Variants in MGAT4C observed in about 807,000 individuals in gnomAD.
The protein encoded by MGAT4C is MGAT4 family member C.
In MGAT4C, 19 loss-of-function variants were observed where a neutral mutation model predicts 40.1. The observed-to-expected ratio is 0.47, with a 90% CI of 0.33 to 0.70. The LOEUF is 0.70. Among genes scored for constraint, MGAT4C ranks in the 30% least tolerant of loss-of-function variants. The pLI, the probability that MGAT4C is intolerant of heterozygous loss-of-function variation, is 0.02. For synonymous variants in MGAT4C, 181 were observed against 187.1 expected, an observed-to-expected ratio of 0.97 and a Z score of 0.27; for missense variants, 491 against 563.2, an observed-to-expected ratio of 0.87 and a Z score of 1.30.
intron 3 of MGAT4C, among the ~76,000 whole-genome samples, chr12:86,430,257 C>T (rs1300924273): frequency 6.6e-6 from 1 of 152,118 alleles, no homozygotes; most frequent in East Asian, 1.9e-4. Flanking sequence ...ATTTCTAGAT[C>T]TCCATTTCTT....
intron 1 of MGAT4C, among the ~76,000 whole-genome samples, chr12:86,084,426 G>A (rs972966693): frequency 1.3e-5 from 2 of 151,982 alleles, no homozygotes; most frequent in South Asian, 4.1e-4. Flanking sequence ...TCACTTTGAT[G>A]TGAATCATGT....
In MGAT4C at chr12:86,667,711, T is replaced by C. The variant is rs375181720; in HGVS notation, c.-229+59498A>G. Among the ~76,000 whole-genome samples, 5 of 152,232 alleles carry C rather than the reference T, an allele frequency of 3.3e-5. No homozygotes were observed. The East Asian group carries it at 5.8e-4, about 18-fold the overall frequency. On this transcript the variant is annotated intron_variant, in intron 2 of 7. Coordinates refer to the MGAT4C transcript ENST00000548651. Reference sequence around the variant, plus strand: ...GTATTTATGAATACTAAAATTTGAATTTTTGCATGATCCAAAATATGATTT... The same window carrying C: ...GTATTTATGAATACTAAAATTTGAACTTTTGCATGATCCAAAATATGATTT...
intron 2 of MGAT4C, among the ~76,000 whole-genome samples, chr12:86,651,958 G>A (rs1194749944): frequency 6.6e-6 from 1 of 151,738 alleles, no homozygotes; most frequent in African/African-American, 2.4e-5. Context: ...GTAATGACTG[G>A]GTGAAAACAT....
At chr12:86,112,447 C>G (rs1472820238) in intron 1 of MGAT4C, among the ~76,000 whole-genome samples, 2 of 151,678 alleles carry the variant, frequency 1.3e-5, no homozygotes, top group African/African-American at 4.8e-5. Flanking sequence ...TGGCAGACAG[C>G]ATTGCCCCCT....
chr12:86,667,317 C>T (rs1964135370), intron 2 of MGAT4C, among the ~76,000 whole-genome samples: 1 of 152,116 alleles, frequency 6.6e-6, no homozygotes, highest in Admixed American at 6.6e-5. Context: ...CTAGATTAGG[C>T]AGAATTCACA....
intron 4 of MGAT4C, among the ~76,000 whole-genome samples, chr12:86,281,582 C>G (rs1310871797): frequency 6.6e-6 from 1 of 152,004 alleles, no homozygotes; most frequent in Non-Finnish European, 1.5e-5. Flanking sequence ...AGAGGTCACA[C>G]TATGTTGCCC....
chr12:86,526,874 C>T (rs1958893992), intron 2 of MGAT4C, among the ~76,000 whole-genome samples: 1 of 152,190 alleles, frequency 6.6e-6, no homozygotes, highest in African/African-American at 2.4e-5. Flanking sequence ...GGGGTCTCCT[C>T]CTGCTGGAAT....
intron 2 of MGAT4C, among the ~76,000 whole-genome samples, chr12:86,693,048 C>CT (rs60614904): frequency 2.6e-5 from 4 of 151,948 alleles, no homozygotes; most frequent in Non-Finnish European, 5.9e-5. Context: ...CTGATTGGAT[C>CT]GCCATTAGAT....
At chr12:86,674,180 T>C (rs1334628767) in intron 2 of MGAT4C, among the ~76,000 whole-genome samples, 1 of 152,130 alleles carries the variant, frequency 6.6e-6, no homozygotes, top group Non-Finnish European at 1.5e-5. Flanking sequence ...TGATGAGCTA[T>C]TAACTTTTTA....
chr12:86,204,877 A>T (rs1254685194), intron 1 of MGAT4C, among the ~76,000 whole-genome samples: 1 of 152,124 alleles, frequency 6.6e-6, no homozygotes, highest in African/African-American at 2.4e-5. Context: ...ACATACAGAT[A>T]CACAGTTTTT....
intron 2 of MGAT4C, among the ~76,000 whole-genome samples, chr12:86,645,389 C>T (rs891616018): frequency 2.0e-5 from 3 of 151,560 alleles, no homozygotes; most frequent in Non-Finnish European, 4.4e-5. Context: ...TACATTTTTT[C>T]TCATTAATGT....
chr12:86,304,631 A>C (rs1953891222), intron 4 of MGAT4C, among the ~76,000 whole-genome samples: 1 of 150,756 alleles, frequency 6.6e-6, no homozygotes, highest in African/African-American at 2.5e-5. Context: ...AAAACTGTTT[A>C]AATTTTAACC....
chr12:86,358,720 G>T (rs1199863147), intron 3 of MGAT4C, among the ~76,000 whole-genome samples: 5 of 152,094 alleles, frequency 3.3e-5, no homozygotes, highest in Non-Finnish European at 7.4e-5. Context: ...AAGACCAAAA[G>T]AGACAAAGAA....
chr12:86,325,544 T>C (rs185881487), intron 4 of MGAT4C, among the ~76,000 whole-genome samples: 15 of 152,288 alleles, frequency 9.8e-5, no homozygotes, highest in African/African-American at 3.1e-4. Flanking sequence ...GCTTATTATC[T>C]GTAAGGTGGG....
At chr12:86,546,677 C>T (rs2136391556) in intron 2 of MGAT4C, among the ~76,000 whole-genome samples, 1 of 152,106 alleles carries the variant, frequency 6.6e-6, no homozygotes, top group African/African-American at 2.4e-5. Flanking sequence ...TACTCCAACA[C>T]TTTAAAAATT....
chr12:86,300,885 T>C (rs544919595), intron 4 of MGAT4C, among the ~76,000 whole-genome samples: 2 of 152,274 alleles, frequency 1.3e-5, no homozygotes, highest in East Asian at 3.9e-4. Context: ...GGAGTATTTA[T>C]AAGTCATTTG....
intron 2 of MGAT4C, among the ~76,000 whole-genome samples, chr12:86,614,548 G>A (rs1962386728): frequency 6.6e-6 from 1 of 151,860 alleles, no homozygotes; most frequent in South Asian, 2.1e-4. Flanking sequence ...TATAATATTA[G>A]GTGGGGGGAA....
At chr12:86,804,459 AG>A (rs1313970913) in intron 1 of MGAT4C, among the ~76,000 whole-genome samples, 2 of 132,588 alleles carry the variant, frequency 1.5e-5, no homozygotes, top group Non-Finnish European at 3.6e-5. Flanking sequence ...GAAAGAAAGA[AG>A]AAAAAAATAT....
chr12:86,030,411 G>C (rs56072293), intron 2 of MGAT4C, among the ~76,000 whole-genome samples: 11,328 of 151,736 alleles, frequency 0.075, 547 homozygotes, highest in Middle Eastern at 0.23. Context: ...TAATGTTAGT[G>C]AGTATGACTA....
Sources: allele counts gnomAD v4.1 joint callset (sites outside exome capture counted in the v4.1 genomes callset), GRCh38; gene constraint gnomAD v4.1.1; transcripts MANE v1.5; gene names NCBI Gene and HGNC (gene_info 2026-07-23, HGNC 2026-07-21).